Variants in DLC1 observed in about 807,000 individuals in gnomAD.
DLC1 encodes DLC1 Rho GTPase activating protein, also known as rho GTPase-activating protein 7.
Under a neutral mutation model 140.3 loss-of-function variants are expected in DLC1, and 54 were observed. That is an observed-to-expected ratio of 0.38 (90% confidence interval 0.31 to 0.48). DLC1 has a LOEUF of 0.48. DLC1 is among the 20% of genes least tolerant of loss of function. The pLI is 0.96. For synonymous variants in DLC1, 986 were observed against 728.1 expected (o/e 1.35, Z -5.70); for missense variants, 2,536 against 1,907.0 (o/e 1.33, Z -6.14).
At position 13,100,608 on chromosome 8, in the gene DLC1, T is replaced by C; in HGVS notation, c.1729A>G (p.Ser577Gly). ...AGGTCCATCAGCGTGCCTCCGGGGCTGGGGCCGTCCTTCGGGTGGGAGTCG... is the reference window on the plus strand; with the variant it reads ...AGGTCCATCAGCGTGCCTCCGGGGCCGGGGCCGTCCTTCGGGTGGGAGTCG... ...PDDSHPKDGP[S>G]PGGTLMDLSE... Residue 577 changes from serine to glycine, a missense_variant, in exon 9 of 18, where the codon AGC (serine) becomes GGC (glycine). By Grantham distance (56) the Ser-to-Gly change is moderately conservative. Coordinates refer to ENST00000276297, the MANE Select transcript of DLC1 (RefSeq NM_182643.3). The C allele has an allele frequency of 6.2e-7, 1 of 1,614,054 alleles. No homozygotes were observed. Among genetic ancestry groups the C allele is most frequent in the Non-Finnish European group, 8.5e-7 (1 of 1,180,006 alleles).
chr8:13,170,440 G>T (rs1045078930), intron 5 of DLC1, among the ~76,000 whole-genome samples: 1 of 152,098 alleles, frequency 6.6e-6, no homozygotes, highest in African/African-American at 2.4e-5. Flanking sequence ...CTTTGAAAAT[G>T]TGTTTCCGGG....
intron 1 of DLC1, among the ~76,000 whole-genome samples, chr8:13,545,080 G>T (rs1372166654): frequency 6.6e-6 from 1 of 151,802 alleles, no homozygotes; most frequent in Non-Finnish European, 1.5e-5. Flanking sequence ...CACATAGTAG[G>T]CATTTAATAA....
At chr8:13,490,329 T>C (rs1396904744) in intron 2 of DLC1, among the ~76,000 whole-genome samples, 2 of 152,194 alleles carry the variant, frequency 1.3e-5, no homozygotes, top group East Asian at 1.9e-4. Context: ...AAAAAGTTTA[T>C]TTCTCCCAGT....
At chr8:13,191,963 A>G (rs975823673) in intron 5 of DLC1, among the ~76,000 whole-genome samples, 1 of 141,444 alleles carries the variant, frequency 7.1e-6, no homozygotes, top group Non-Finnish European at 1.6e-5. Context: ...TATTATTTTT[A>G]TGGAGTCTTG....
At chr8:13,132,877 C>G in intron 5 of DLC1, 1 of 1,538,978 alleles carries the variant, frequency 6.5e-7, no homozygotes, top group South Asian at 1.2e-5. Flanking sequence ...GACACTTTCT[C>G]GCGGCGGGTC....
chr8:13,125,067 C>T (rs942102462), intron 5 of DLC1, among the ~76,000 whole-genome samples: 13 of 152,088 alleles, frequency 8.5e-5, no homozygotes, highest in African/African-American at 3.1e-4. Context: ...ACCTCTGCCT[C>T]CTGGGTTCAA....
intron 1 of DLC1, among the ~76,000 whole-genome samples, chr8:13,586,222 C>T (rs1338023489): frequency 6.6e-6 from 1 of 152,042 alleles, no homozygotes; most frequent in African/African-American, 2.4e-5. Flanking sequence ...GGTGGTAAGG[C>T]TTGAGGCAGG....
intron 4 of DLC1, chr8:13,338,831 C>T (rs933901297): frequency 6.6e-6 from 1 of 152,008 alleles, no homozygotes; most frequent in Non-Finnish European, 1.5e-5. Flanking sequence ...CAATAAATAG[C>T]CTTTGTCTTT....
chr8:13,157,636 G>A (rs1006663327), intron 5 of DLC1, among the ~76,000 whole-genome samples: 1 of 152,076 alleles, frequency 6.6e-6, no homozygotes, highest in African/African-American at 2.4e-5. Context: ...CTATATTGTC[G>A]GGGCAGAGGT....
chr8:13,151,694 C>T (rs568494527), intron 5 of DLC1, among the ~76,000 whole-genome samples: 5 of 152,316 alleles, frequency 3.3e-5, no homozygotes, highest in Non-Finnish European at 5.9e-5. Context: ...CTACTCTTTG[C>T]ACCCAAGTAT....
chr8:13,487,908 T>C (rs1023492692), intron 2 of DLC1, among the ~76,000 whole-genome samples: 6 of 152,214 alleles, frequency 3.9e-5, no homozygotes, highest in African/African-American at 1.4e-4. Context: ...AAGGCGATCA[T>C]TGATATTTTA....
intron 5 of DLC1, among the ~76,000 whole-genome samples, chr8:13,145,116 A>G (rs912236418): frequency 2.6e-5 from 4 of 152,204 alleles, no homozygotes; most frequent in Admixed American, 6.5e-5. Flanking sequence ...AATCATACTG[A>G]AAATTTTAAA....
At chr8:13,480,925 A>G (rs2117117121) in intron 2 of DLC1, among the ~76,000 whole-genome samples, 1 of 152,236 alleles carries the variant, frequency 6.6e-6, no homozygotes, top group Middle Eastern at 3.4e-3. Context: ...ATAAATAAAT[A>G]TGTAAGTAAA....
chr8:13,484,453 A>G (rs967378493), intron 2 of DLC1, among the ~76,000 whole-genome samples: 1 of 152,128 alleles, frequency 6.6e-6, no homozygotes, highest in Non-Finnish European at 1.5e-5. Context: ...TTAATTTCTG[A>G]AATAAGTCTT....
At chr8:13,489,026 C>A (rs1422007253) in intron 2 of DLC1, among the ~76,000 whole-genome samples, 1 of 152,124 alleles carries the variant, frequency 6.6e-6, no homozygotes, top group Non-Finnish European at 1.5e-5. Context: ...TGGCTCACTG[C>A]AACCTCTGCC....
chr8:13,597,825 A>G (rs941268819), intron 1 of DLC1, among the ~76,000 whole-genome samples: 11 of 152,140 alleles, frequency 7.2e-5, no homozygotes, highest in African/African-American at 2.7e-4. Context: ...ACAAACTTAT[A>G]GAAACATGCT....
At chr8:13,109,274 G>C (rs1219913311) in intron 7 of DLC1, among the ~76,000 whole-genome samples, 1 of 151,824 alleles carries the variant, frequency 6.6e-6, no homozygotes, top group African/African-American at 2.4e-5. Flanking sequence ...AAAAAATACT[G>C]AGATGGGGTG....
intron 1 of DLC1, among the ~76,000 whole-genome samples, chr8:13,521,320 G>A (rs769256515): frequency 4.0e-5 from 6 of 151,842 alleles, no homozygotes; most frequent in Non-Finnish European, 7.4e-5. Context: ...CTAGGTTATG[G>A]GTAGATAGGT....
chr8:13,307,036 A>G (rs1437484601), intron 4 of DLC1, among the ~76,000 whole-genome samples: 1 of 136,620 alleles, frequency 7.3e-6, no homozygotes, highest in Admixed American at 7.9e-5. Flanking sequence ...GTGAGCCGAG[A>G]CCACACCATT....
Sources: gnomAD v4.1 joint callset for allele counts (sites outside exome capture counted in the v4.1 genomes callset) on GRCh38, gnomAD v4.1.1 for gene constraint, MANE v1.5 for transcripts, NCBI Gene and HGNC (gene_info 2026-07-23, HGNC 2026-07-21) for gene names.